The following SLC44A1 variants were observed in gnomAD, a reference collection of about 807,000 sequenced individuals.
The protein encoded by SLC44A1 is choline transporter-like protein 1.
A neutral mutation model predicts 79.3 loss-of-function variants in SLC44A1; 26 were observed. That is an observed-to-expected ratio of 0.33 (90% CI 0.24 to 0.46). The LOEUF (loss-of-function observed/expected upper bound fraction) is 0.46, where lower values mean the gene tolerates loss of function less well. Among genes scored for constraint, SLC44A1 ranks in the 20% least tolerant of loss-of-function variants. The probability of loss-of-function intolerance (pLI) is 1.00; values close to 1 mark genes in which losing one functional copy is unlikely to be tolerated. For missense variants in SLC44A1, 688 were observed against 798.1 expected (o/e 0.86, Z 1.66); for synonymous variants, 263 against 286.2 (o/e 0.92, Z 0.82).
Position 105,394,118 on chromosome 9 carries a change from C to G in SLC44A1, c.*5062C>G, listed in dbSNP as rs1048164333. The G allele has an allele frequency of 2.5e-5, 25 of 985,302 alleles. No homozygotes were observed. Among genetic ancestry groups the G allele is most frequent in the Non-Finnish European group, 2.8e-5 (23 of 829,944 alleles). 61.0% of individuals were successfully genotyped at this position (985,302 alleles called of 1,614,324 possible). ...CTCATAGAATTTCAGGGCCCTCAGA[C>G]GGCCAGCTTCCACCCCTGTACCCCC... On this transcript the variant is annotated 3_prime_UTR_variant, in exon 16 of 16. Transcript: ENST00000374720.
chr9:105,380,091 A>G (rs952622572), intron 13 of SLC44A1, among the ~76,000 whole-genome samples: 2 of 152,232 alleles, frequency 1.3e-5, no homozygotes, highest in Non-Finnish European at 2.9e-5. Flanking sequence ...ATTGCATTAA[A>G]TACTTTTAGA....
chr9:105,316,498 T>C (rs887561658), intron 3 of SLC44A1, among the ~76,000 whole-genome samples: 1 of 152,240 alleles, frequency 6.6e-6, no homozygotes, highest in Non-Finnish European at 1.5e-5. Flanking sequence ...TGTGATTAGC[T>C]GTTGAATTAT....
At chr9:105,366,516 G>A in intron 12 of SLC44A1, 87 bp downstream of exon 12, 1 of 581,562 alleles carries the variant, frequency 1.7e-6, no homozygotes, top group South Asian at 3.2e-5. Flanking sequence ...ATTGAAAGAT[G>A]TTATGTTTTT....
chr9:105,348,951 T>G (rs1827321836), intron 5 of SLC44A1, among the ~76,000 whole-genome samples: 1 of 152,314 alleles, frequency 6.6e-6, no homozygotes, highest in East Asian at 1.9e-4. Flanking sequence ...TTGCTATATC[T>G]TATCCAAGGT....
At chr9:105,308,754 T>C (rs951443909) in intron 2 of SLC44A1, among the ~76,000 whole-genome samples, 2 of 152,228 alleles carry the variant, frequency 1.3e-5, no homozygotes, top group Non-Finnish European at 2.9e-5. Flanking sequence ...TCTTAGCCAG[T>C]TTACTAAAGA....
intron 12 of SLC44A1, among the ~76,000 whole-genome samples, chr9:105,367,430 G>C (rs146294147): frequency 2.2e-3 from 330 of 152,286 alleles, no homozygotes; most frequent in African/African-American, 7.5e-3. Context: ...CCCTATGGAT[G>C]TACAAGTGTT....
intron 15 of SLC44A1, among the ~76,000 whole-genome samples, chr9:105,424,152 T>A (rs1245945695): frequency 6.6e-6 from 1 of 152,180 alleles, no homozygotes; most frequent in Non-Finnish European, 1.5e-5. Flanking sequence ...AACACCAGGC[T>A]CCCTGCTCTT....
At chr9:105,380,829 G>C (rs906393916) in intron 13 of SLC44A1, among the ~76,000 whole-genome samples, 7 of 152,060 alleles carry the variant, frequency 4.6e-5, no homozygotes, top group Admixed American at 1.3e-4. Context: ...GCAAACTACT[G>C]GGCTTTATCA....
At chr9:105,282,396 G>A (rs1462275259) in intron 1 of SLC44A1, among the ~76,000 whole-genome samples, 1 of 151,958 alleles carries the variant, frequency 6.6e-6, no homozygotes, top group African/African-American at 2.4e-5. Flanking sequence ...GTGCCCATAT[G>A]TTTTCTTGTG....
At chr9:105,387,187 G>T (rs1191869605) in intron 15 of SLC44A1, among the ~76,000 whole-genome samples, 1 of 150,532 alleles carries the variant, frequency 6.6e-6, no homozygotes, top group Admixed American at 6.7e-5. Context: ...CTAAGTTAAA[G>T]CCTCAATAAA....
rs760871626 is a variant in SLC44A1, at chr9:105,389,088, A to G, written c.*32A>G. Reference sequence around the variant, plus strand: ...CCGACGGTTATGGAAACCCATTGACATTCCAAAACAATATATACACATAAC... The same window carrying G: ...CCGACGGTTATGGAAACCCATTGACGTTCCAAAACAATATATACACATAAC... On this transcript the variant is annotated 3_prime_UTR_variant, in exon 16 of 16. Transcript: ENST00000374720. 44 of 1,612,342 alleles carry G rather than the reference A, an allele frequency of 2.7e-5. No individual in the cohort carries two copies. Among genetic ancestry groups the G allele is most frequent in the South Asian group, 1.1e-5 (1 of 91,020 alleles).
Position 105,383,203 on chromosome 9 carries a change from T to G in SLC44A1, c.1713T>G (p.Pro571=), listed in dbSNP as rs1389593023. The G allele has an allele frequency of 6.2e-7, 1 of 1,614,210 alleles. No homozygotes were observed. Among genetic ancestry groups the G allele is most frequent in the Non-Finnish European group, 8.5e-7 (1 of 1,180,026 alleles). Residue 571 remains proline, a synonymous_variant, in exon 14 of 16, where the codon CCT becomes CCG. Transcript: ENST00000374720. ...YQQDYTVWVL[P]LIIVCLFAFL... ...AGGACTACACAGTATGGGTGCTGCC[T>G]CTGATCATCGTCTGCCTCTTTGCTT...
At chr9:105,430,444 C>T (rs1048123939) in intron 15 of SLC44A1, among the ~76,000 whole-genome samples, 1 of 152,158 alleles carries the variant, frequency 6.6e-6, no homozygotes, top group Non-Finnish European at 1.5e-5. Context: ...ATTCCCCTCA[C>T]CCAGCCCCTG....
chr9:105,295,116 T>C (rs1830692081), intron 1 of SLC44A1, among the ~76,000 whole-genome samples: 1 of 152,216 alleles, frequency 6.6e-6, no homozygotes, highest in Admixed American at 6.5e-5. Flanking sequence ...ACATAGATTT[T>C]CCACTTGTTT....
intron 5 of SLC44A1, among the ~76,000 whole-genome samples, chr9:105,351,554 AAGAGAGAAAGAG>A (rs1432339951): frequency 6.0e-5 from 7 of 117,100 alleles, no homozygotes; most frequent in African/African-American, 2.7e-4. Context: ...GAAAGAAAGA[AAGAGAGAAAGAG>A]AGAAAGAGAG....
chr9:105,364,650 A>T lies in SLC44A1; in HGVS notation c.1183A>T (p.Ile395Phe). 1 of 1,614,052 alleles carries T rather than the reference A, an allele frequency of 6.2e-7. No individual in the cohort carries two copies. The highest frequency in any genetic ancestry group is 2.2e-5 in the East Asian group (1 of 44,886). Residue 395 changes from isoleucine to phenylalanine, a missense_variant, in exon 10 of 16, where the codon ATC (isoleucine) becomes TTC (phenylalanine). By Grantham distance (21) the Ile-to-Phe change is conservative (BLOSUM62 0). Transcript: ENST00000374720. Reference sequence around the variant, plus strand: ...GTACCATGTGGTGGGCCTGATTTGGATCAGTGAATTTATTCTAGCATGTCA... The same window carrying T: ...GTACCATGTGGTGGGCCTGATTTGGTTCAGTGAATTTATTCTAGCATGTCA... ...WWYHVVGLIW[I>F]SEFILACQQM...
intron 15 of SLC44A1, among the ~76,000 whole-genome samples, chr9:105,415,661 A>G (rs1358837206): frequency 1.3e-5 from 2 of 152,086 alleles, no homozygotes; most frequent in Non-Finnish European, 2.9e-5. Flanking sequence ...TCCAATACTA[A>G]AGGCATTTAG....
chr9:105,266,524 G>T (rs1042806655), intron 1 of SLC44A1, among the ~76,000 whole-genome samples: 1 of 152,138 alleles, frequency 6.6e-6, no homozygotes, highest in Non-Finnish European at 1.5e-5. Flanking sequence ...TTGTGTGTGT[G>T]TATGAATATC....
intron 3 of SLC44A1, among the ~76,000 whole-genome samples, chr9:105,323,215 CAAAAA>C (rs575818228): frequency 0.1 from 7,932 of 76,584 alleles, 509 homozygotes; most frequent in African/African-American, 0.22. Flanking sequence ...AACTCCATCT[CAAAAA>C]AAAAAAAAAA....
Sources: allele counts gnomAD v4.1 joint callset (sites outside exome capture counted in the v4.1 genomes callset), GRCh38; gene constraint gnomAD v4.1.1; transcripts MANE v1.5; gene names NCBI Gene and HGNC (gene_info 2026-07-23, HGNC 2026-07-21).